COL4A6: variants seen among roughly 807,000 people sequenced by gnomAD.
The protein encoded by COL4A6 is collagen alpha-6(IV) chain.
Under a neutral mutation model 126.7 loss-of-function variants are expected in COL4A6, and 59 were observed. That is an observed-to-expected ratio of 0.47 (90% CI 0.38 to 0.58). The LOEUF is 0.58. Ranked by LOEUF, COL4A6 falls within the 20% of genes least tolerant of loss-of-function variation. The pLI, the probability that COL4A6 is intolerant of heterozygous loss-of-function variation, is 0.00. For missense variants in COL4A6, 1,285 were observed against 1,337.3 expected (o/e 0.96, Z 0.61); for synonymous variants, 547 against 496.6 (o/e 1.10, Z -1.35).
intron 20 of COL4A6, among the ~76,000 whole-genome samples, chrX:108,189,847 T>A (rs2034983740): frequency 1.8e-5 from 2 of 112,194 alleles, no homozygotes; most frequent in Admixed American, 1.9e-4. Flanking sequence ...CCCTCTTCAG[T>A]CAGTAGTTTC....
intron 23 of COL4A6, among the ~76,000 whole-genome samples, chrX:108,184,010 G>A (rs969050254): frequency 9.0e-6 from 1 of 111,690 alleles, no homozygotes; most frequent in Non-Finnish European, 1.9e-5. Flanking sequence ...CCAGTTGTCT[G>A]CTTGCCCAAA....
At chrX:108,243,035 C>T (rs1263201720) in intron 3 of COL4A6, among the ~76,000 whole-genome samples, 1 of 111,314 alleles carries the variant, frequency 9.0e-6, no homozygotes, top group Admixed American at 9.6e-5. Flanking sequence ...CTACAAATCG[C>T]TTAGGAATCC....
chrX:108,290,464 T>A (rs1473150388), intron 3 of COL4A6, among the ~76,000 whole-genome samples: 2 of 112,523 alleles, frequency 1.8e-5, no homozygotes, highest in East Asian at 5.6e-4. Context: ...GATTTCCACA[T>A]CTATGTATTA....
In COL4A6 at chrX:108,187,963, G is replaced by T; in HGVS notation, c.1652C>A (p.Thr551Lys). ...CCGATCTCCTGGCATTCCTTGGATT[G>T]TACTGAGAATTGGTTCCCCCTTCTT... ...KGKKGEPILS[T>K]IQGMPGDRGD... The change falls in exon 22 of 45, where the codon ACA (threonine) becomes AAA (lysine). Residue 551 changes from threonine to lysine, a missense_variant. By Grantham distance (78) the Thr-to-Lys change is moderately conservative. Coordinates refer to ENST00000334504, the MANE Select transcript of COL4A6 (RefSeq NM_033641.4). The T allele has an allele frequency of 8.3e-7, 1 of 1,207,511 alleles. No individual in the cohort carries two copies. Among genetic ancestry groups the T allele is most frequent in the Admixed American group, 2.2e-5 (1 of 45,992 alleles).
chrX:108,341,706 C>T (rs774609000), intron 2 of COL4A6, among the ~76,000 whole-genome samples: 3 of 111,134 alleles, frequency 2.7e-5, no homozygotes, highest in Admixed American at 9.6e-5. Flanking sequence ...TCACTTCTAC[C>T]GCTGAAAAAT....
At chrX:108,349,564 C>T (rs888996872) in intron 2 of COL4A6, among the ~76,000 whole-genome samples, 2 of 111,287 alleles carry the variant, frequency 1.8e-5, no homozygotes, top group South Asian at 3.9e-4. Flanking sequence ...TAATACTTTC[C>T]GTATGGGGCT....
At chrX:108,162,453 GAAA>G (rs1309086722) in intron 41 of COL4A6, among the ~76,000 whole-genome samples, 2 of 85,339 alleles carry the variant, frequency 2.3e-5, no homozygotes, top group Non-Finnish European at 5.1e-5. Context: ...AGACGAAGAA[GAAA>G]AGAAGAAGAA....
At chrX:108,430,078 A>T (rs1482679167) in intron 2 of COL4A6, among the ~76,000 whole-genome samples, 1 of 111,958 alleles carries the variant, frequency 8.9e-6, no homozygotes, top group African/African-American at 3.2e-5. Context: ...AAGAGGCCCA[A>T]AGCTCCTTGG....
intron 14 of COL4A6, 112 bp downstream of exon 14, chrX:108,196,399 G>A: frequency 3.0e-6 from 2 of 658,756 alleles, no homozygotes; most frequent in Non-Finnish European, 4.8e-6. Flanking sequence ...GGGTTGAGGA[G>A]AAACGAGAAG....
In COL4A6 at chrX:108,161,836, G is replaced by A. The variant is rs781382883; in HGVS notation, c.4217-101C>T. 48 of 525,374 alleles carry A rather than the reference G, an allele frequency of 9.1e-5. No homozygotes were observed. In the East Asian group the frequency reaches 1.6e-3, roughly 18 times the overall value. The allele number at this position is 525,374 out of a possible 1,213,427, so 43.3% of individuals were successfully genotyped here. A position where few individuals can be genotyped will look rare whatever the true frequency, so the allele number is the denominator to read the frequency against. ...ATGTGTCATGCCCAAGACTCACTAG[G>A]AGACGATGCACTTGGCTGTCGACTT... On this transcript the variant is annotated intron_variant, in intron 41 of 44. Transcript: ENST00000334504.
At chrX:108,357,423 C>T (rs1400576174) in intron 2 of COL4A6, among the ~76,000 whole-genome samples, 3 of 111,485 alleles carry the variant, frequency 2.7e-5, no homozygotes, top group Middle Eastern at 4.6e-3. Context: ...TAAAATACCA[C>T]TCCAACCTGG....
chrX:108,324,205 A>G (rs757067276), intron 2 of COL4A6, among the ~76,000 whole-genome samples: 1 of 112,158 alleles, frequency 8.9e-6, no homozygotes, highest in Non-Finnish European at 1.9e-5. Flanking sequence ...CTCCTCTGTT[A>G]TTAAGTCCAA....
intron 44 of COL4A6, among the ~76,000 whole-genome samples, chrX:108,158,959 A>C (rs1393503439): frequency 8.9e-6 from 1 of 112,481 alleles, no homozygotes; most frequent in African/African-American, 3.2e-5. Context: ...CGAAATGGAG[A>C]GGCAGCAAAA....
intron 2 of COL4A6, among the ~76,000 whole-genome samples, chrX:108,326,557 G>A (rs2039161654): frequency 8.9e-6 from 1 of 112,073 alleles, no homozygotes; most frequent in African/African-American, 3.2e-5. Context: ...AAGACTTATT[G>A]TGAAGCTACA....
chrX:108,345,092 C>A (rs144234893), intron 2 of COL4A6, among the ~76,000 whole-genome samples: 1 of 111,357 alleles, frequency 9.0e-6, no homozygotes, highest in Non-Finnish European at 1.9e-5. Context: ...TGAATCTCAA[C>A]GTAGGGTTTT....
chrX:108,285,949 G>C (rs1274175479), intron 3 of COL4A6, among the ~76,000 whole-genome samples: 2 of 111,808 alleles, frequency 1.8e-5, no homozygotes, highest in Non-Finnish European at 3.8e-5. Context: ...TCTCCATCAG[G>C]AAGAAGGATC....
intron 2 of COL4A6, among the ~76,000 whole-genome samples, chrX:108,321,368 GT>G (rs979484767): frequency 1.8e-5 from 2 of 110,670 alleles, no homozygotes; most frequent in African/African-American, 6.6e-5. Context: ...TTTTGTTGTT[GT>G]TTTTTATTGG....
At chrX:108,375,761 T>G (rs2040421758) in intron 2 of COL4A6, among the ~76,000 whole-genome samples, 1 of 109,771 alleles carries the variant, frequency 9.1e-6, no homozygotes, top group African/African-American at 3.3e-5. Context: ...AATCTCCGTT[T>G]TGATAAACAC....
rs139948072 is a variant in COL4A6, at chrX:108,284,834, T to A, written c.144+25914A>T. 3.8e-3 allele frequency among the ~76,000 whole-genome samples: 432 copies of A among 112,253 alleles called. 1 individual carries two copies. The highest frequency in any genetic ancestry group is 0.014 in the African/African-American group (422 of 30,908). ...TTTAGTTTTTCGAGTTCATAAAGCATCAAGCTTCAAACGTGCCTCCATGTC... is the reference window on the plus strand; with the variant it reads ...TTTAGTTTTTCGAGTTCATAAAGCAACAAGCTTCAAACGTGCCTCCATGTC... On this transcript the variant is annotated intron_variant, in intron 3 of 44. Coordinates refer to ENST00000334504, the MANE Select transcript of COL4A6 (RefSeq NM_033641.4).
Sources: gnomAD v4.1 joint callset for allele counts (sites outside exome capture counted in the v4.1 genomes callset) on GRCh38, gnomAD v4.1.1 for gene constraint, MANE v1.5 for transcripts, NCBI Gene and HGNC (gene_info 2026-07-23, HGNC 2026-07-21) for gene names.